Variants in FKBP5 observed in about 807,000 individuals in gnomAD.
The protein encoded by FKBP5 is peptidyl-prolyl cis-trans isomerase FKBP5.
Under a neutral mutation model 50.5 loss-of-function variants are expected in FKBP5, and 23 were observed. The observed-to-expected ratio is 0.46, with a 90% CI of 0.33 to 0.65. The LOEUF is 0.65. Ranked by LOEUF, FKBP5 falls within the 30% of genes least tolerant of loss-of-function variation. The pLI is 0.02. For synonymous variants in FKBP5, 176 were observed against 190.6 expected (o/e 0.92, Z 0.63); for missense variants, 411 against 553.1 (o/e 0.74, Z 2.58).
At chr6:35,641,983 A>G (rs1764504578) in intron 2 of FKBP5, among the ~76,000 whole-genome samples, 1 of 149,964 alleles carries the variant, frequency 6.7e-6, no homozygotes, top group African/African-American at 2.5e-5. Context: ...ACAGAGGGAG[A>G]CTCTGTCTCA....
At chr6:35,653,269 A>G (rs1024347002) in intron 1 of FKBP5, among the ~76,000 whole-genome samples, 2 of 152,164 alleles carry the variant, frequency 1.3e-5, no homozygotes, top group Non-Finnish European at 2.9e-5. Flanking sequence ...CTGAGGCAAA[A>G]GGATTGAGCT....
At chr6:35,711,714 GAT>G (rs1491363833) in intron 2 of FKBP5, among the ~76,000 whole-genome samples, 1 of 152,110 alleles carries the variant, frequency 6.6e-6, no homozygotes, top group East Asian at 1.9e-4. Flanking sequence ...TCTATATTGT[GAT>G]AGACATTACA....
At chr6:35,615,612 C>CA in intron 5 of FKBP5, among the ~76,000 whole-genome samples, 1 of 152,152 alleles carries the variant, frequency 6.6e-6, no homozygotes, top group East Asian at 1.9e-4. Flanking sequence ...TATAAATAAA[C>CA]TGAATAAATA....
chr6:35,711,108 C>T (rs1472034139), intron 2 of FKBP5, among the ~76,000 whole-genome samples: 1 of 152,026 alleles, frequency 6.6e-6, no homozygotes, highest in Non-Finnish European at 1.5e-5. Flanking sequence ...TGGCTTGAGT[C>T]CGCGAAGTCA....
intron 1 of FKBP5, among the ~76,000 whole-genome samples, chr6:35,671,314 C>T (rs1236500498): frequency 6.7e-6 from 1 of 150,274 alleles, no homozygotes; most frequent in Admixed American, 6.6e-5. Context: ...TTAAAAGAAA[C>T]TACAATCCAA....
intron 3 of FKBP5, among the ~76,000 whole-genome samples, chr6:35,623,818 G>C (rs1442892958): frequency 6.6e-6 from 1 of 151,234 alleles, no homozygotes; most frequent in South Asian, 2.1e-4. Flanking sequence ...CTGGGCTCAA[G>C]AGAATCTCCT....
chr6:35,721,450 C>T (rs1466349793), intron 1 of FKBP5, among the ~76,000 whole-genome samples: 1 of 151,702 alleles, frequency 6.6e-6, no homozygotes, highest in East Asian at 1.9e-4. Context: ...ATACACACAC[C>T]CCAAAATAGT....
intron 2 of FKBP5, among the ~76,000 whole-genome samples, chr6:35,698,358 A>G (rs1766119460): frequency 6.6e-6 from 1 of 151,928 alleles, no homozygotes; most frequent in Non-Finnish European, 1.5e-5. Flanking sequence ...AAATAAATAA[A>G]TAAATAAGGC....
intron 2 of FKBP5, among the ~76,000 whole-genome samples, chr6:35,707,215 C>CTTTTTTT (rs34841223): frequency 2.6e-5 from 3 of 116,926 alleles, no homozygotes; most frequent in Admixed American, 1.0e-4. Flanking sequence ...TATGAGAAGA[C>CTTTTTTT]TTTTTTTTTT....
At chr6:35,645,237 C>G (rs1428675314) in intron 1 of FKBP5, among the ~76,000 whole-genome samples, 2 of 152,188 alleles carry the variant, frequency 1.3e-5, no homozygotes, top group African/African-American at 2.4e-5. Context: ...GAGCACTCTA[C>G]AAGACCATTG....
At chr6:35,645,321 C>T (rs1487556090) in intron 1 of FKBP5, among the ~76,000 whole-genome samples, 1 of 152,150 alleles carries the variant, frequency 6.6e-6, no homozygotes, top group African/African-American at 2.4e-5. Flanking sequence ...CCCAACTACT[C>T]AGGTGGCTGA....
intron 1 of FKBP5, among the ~76,000 whole-genome samples, chr6:35,645,411 C>T (rs938368304): frequency 2.0e-5 from 3 of 151,696 alleles, no homozygotes; most frequent in Non-Finnish European, 4.4e-5. Context: ...CAGCCTGGGC[C>T]GAAGGGTGAG....
At chr6:35,696,848 G>A (rs1350666170) in intron 2 of FKBP5, among the ~76,000 whole-genome samples, 1 of 152,150 alleles carries the variant, frequency 6.6e-6, no homozygotes, top group Non-Finnish European at 1.5e-5. Flanking sequence ...ACTGGAAAAG[G>A]ATAGACTTAT....
intron 7 of FKBP5, 65 bp downstream of exon 7, chr6:35,591,065 T>A: frequency 9.4e-7 from 1 of 1,062,524 alleles, no homozygotes; most frequent in Non-Finnish European, 1.4e-6. Flanking sequence ...GATAAGATAC[T>A]GATTTATAGG....
rs183216045 is a variant in FKBP5 at position 35,652,980 on chromosome 6, T to G, written c.-19-10137A>C. 2.4e-3 allele frequency among the ~76,000 whole-genome samples: 368 copies of G among 152,214 alleles called. 1 individual carries two copies. Among genetic ancestry groups the G allele is most frequent in the Middle Eastern group, 0.014 (4 of 294 alleles). ...ACGCTTAGGAAAATAGAAAAGAACC[T>G]ACGTGATTATCGGGGCAGGTCCCCC... is the stretch of plus-strand genomic sequence containing the variant. On this transcript the variant is annotated intron_variant, in intron 1 of 10. Coordinates refer to ENST00000357266, the MANE Select transcript of FKBP5 (RefSeq NM_004117.4).
chr6:35,684,665 C>G (rs909991676), intron 1 of FKBP5, among the ~76,000 whole-genome samples: 9 of 152,016 alleles, frequency 5.9e-5, no homozygotes, highest in African/African-American at 1.7e-4. Flanking sequence ...AAAACAAATA[C>G]AACAAATATA....
intron 1 of FKBP5, among the ~76,000 whole-genome samples, chr6:35,649,695 G>C (rs958206605): frequency 2.0e-5 from 3 of 152,166 alleles, no homozygotes; most frequent in Non-Finnish European, 4.4e-5. Flanking sequence ...TGCTTTGAGT[G>C]AAAGGGGAGT....
At chr6:35,718,358 G>A (rs1241051252) in intron 2 of FKBP5, among the ~76,000 whole-genome samples, 4 of 152,228 alleles carry the variant, frequency 2.6e-5, no homozygotes. Context: ...AGACCTAGCA[G>A]TAGAAATGAG....
At chr6:35,583,707 C>A in intron 8 of FKBP5, 2 of 927,346 alleles carry the variant, frequency 2.2e-6, no homozygotes, top group Non-Finnish European at 2.6e-6. Flanking sequence ...ACAAGACAGC[C>A]CCACACAATC....
Sources: allele counts gnomAD v4.1 joint callset (sites outside exome capture counted in the v4.1 genomes callset), GRCh38; gene constraint gnomAD v4.1.1; transcripts MANE v1.5; gene names NCBI Gene and HGNC (gene_info 2026-07-23, HGNC 2026-07-21).